The following GNG4 variants were observed in gnomAD, a reference collection of about 807,000 sequenced individuals.
GNG4 encodes G protein subunit gamma 4.
Under a neutral mutation model 5.8 loss-of-function variants are expected in GNG4, and 4 were observed. That is an observed-to-expected ratio of 0.69 (90% CI 0.34 to 1.57). GNG4 has a LOEUF of 1.57. Among genes scored for constraint, GNG4 ranks in the 40% most tolerant of loss-of-function variants. The pLI is 0.06. For missense variants in GNG4, 96 were observed against 95.1 expected, an observed-to-expected ratio of 1.01 and a Z score of -0.04; for synonymous variants, 29 against 32.9, an observed-to-expected ratio of 0.88 and a Z score of 0.41.
chr1:235,588,235 A>T (rs556141549), intron 2 of GNG4, among the ~76,000 whole-genome samples: 21 of 152,056 alleles, frequency 1.4e-4, no homozygotes, highest in African/African-American at 4.6e-4. Context: ...TGCGCTGGAG[A>T]TAAAATAAGC....
intron 3 of GNG4, among the ~76,000 whole-genome samples, chr1:235,561,101 A>T (rs1418183719): frequency 6.6e-6 from 1 of 152,004 alleles, no homozygotes; most frequent in Non-Finnish European, 1.5e-5. Context: ...GCTCCACCTC[A>T]CGGGTTCAAG....
intron 3 of GNG4, among the ~76,000 whole-genome samples, chr1:235,577,830 G>A (rs2102935915): frequency 6.6e-6 from 1 of 152,126 alleles, no homozygotes; most frequent in African/African-American, 2.4e-5. Flanking sequence ...TCCTTCCCCA[G>A]GGCTGCCCTC....
chr1:235,613,920 C>G, intron 1 of GNG4, among the ~76,000 whole-genome samples: 1 of 152,120 alleles, frequency 6.6e-6, no homozygotes, highest in Non-Finnish European at 1.5e-5. Flanking sequence ...TTCAAGTGAT[C>G]CTCCCACCTC....
intron 1 of GNG4, among the ~76,000 whole-genome samples, chr1:235,628,049 A>G (rs1264024589): frequency 1.3e-5 from 2 of 152,078 alleles, no homozygotes; most frequent in South Asian, 2.1e-4. Context: ...GCGTGGTGGC[A>G]CACACCTGTA....
rs571800839 is a variant in GNG4, at chr1:235,649,611, G to C, written c.-123+51C>G. The C allele has an allele frequency of 1.3e-3, 199 of 152,396 alleles. No homozygotes were observed. Among genetic ancestry groups the C allele is most frequent in the African/African-American group, 4.5e-3 (188 of 41,584 alleles). 9.4% of individuals were successfully genotyped at this position (152,396 alleles called of 1,614,324 possible). ...TTCCCTTCCGCGTCTGGCTGCACCG[G>C]GCTGGGCTCTCCCCGCGGACACCCG... On this transcript the variant is annotated intron_variant, in intron 1 of 3. Transcript: ENST00000391854. The surrounding 1 kb of genome is among the most constrained non-coding windows in gnomAD (Gnocchi z 5.7).
intron 3 of GNG4, among the ~76,000 whole-genome samples, chr1:235,557,445 C>A (rs989156480): frequency 2.6e-5 from 4 of 152,030 alleles, no homozygotes; most frequent in Admixed American, 6.5e-5. Context: ...GGACTCACCC[C>A]CTTTCCCCCC....
chr1:235,574,991 A>G (rs1383061069), intron 3 of GNG4, among the ~76,000 whole-genome samples: 1 of 151,882 alleles, frequency 6.6e-6, no homozygotes, highest in African/African-American at 2.4e-5. Context: ...CACCCAGCTA[A>G]TTTTTGTATT....
At chr1:235,634,024 A>T (rs1364575219) in intron 1 of GNG4, among the ~76,000 whole-genome samples, 1 of 152,160 alleles carries the variant, frequency 6.6e-6, no homozygotes, top group Non-Finnish European at 1.5e-5. Context: ...GAGGATTCGA[A>T]ATCAGAGAGA....
At chr1:235,590,648 A>G (rs937614293) in intron 2 of GNG4, among the ~76,000 whole-genome samples, 1 of 152,142 alleles carries the variant, frequency 6.6e-6, no homozygotes, top group Non-Finnish European at 1.5e-5. Context: ...CTTGTTGCCC[A>G]GAGTGATCCT....
intron 2 of GNG4, among the ~76,000 whole-genome samples, chr1:235,590,577 C>T (rs1687935219): frequency 6.6e-6 from 1 of 152,168 alleles, no homozygotes; most frequent in Non-Finnish European, 1.5e-5. Context: ...AACAGGCCTG[C>T]TCCACGGTCT....
rs560476458 is a variant in GNG4, at chr1:235,616,194, C to T, written c.-122-20683G>A. ...ATCCTGGCCAGCAGCCACTTCTCTG[C>T]CAACTGAATTTTTGTGCTGGTTGGA... On this transcript the variant is annotated intron_variant, in intron 1 of 3. Transcript: ENST00000391854. 797 of 523,292 alleles carry T rather than the reference C, an allele frequency of 1.5e-3. 8 individuals are homozygous for T. Among genetic ancestry groups the T allele is most frequent in the African/African-American group, 0.014 (702 of 51,974 alleles). 32.4% of individuals were successfully genotyped at this position (523,292 alleles called of 1,614,324 possible).
rs558907780 is a variant in GNG4 at position 235,595,070 on chromosome 1, C to T, written c.-11+330G>A. Among the ~76,000 whole-genome samples the T allele has an allele frequency of 5.5e-4, 83 of 151,570 alleles. 1 individual carries two copies. Among genetic ancestry groups the T allele is most frequent in the Non-Finnish European group, 4.6e-4 (31 of 68,040 alleles). ...CACTGCAATAGCATCTCTTTTCCCA[C>T]AGGGAAGCACACAGCACGGTTCCCC... On this transcript the variant is annotated intron_variant, in intron 2 of 3. Transcript: ENST00000391854.
intron 1 of GNG4, among the ~76,000 whole-genome samples, chr1:235,638,482 AT>A (rs34999365): frequency 0.17 from 24,403 of 147,484 alleles, 5,573 homozygotes; most frequent in African/African-American, 0.52. Flanking sequence ...CTCCTCCTGC[AT>A]TTTTTTTTTT....
chr1:235,631,756 T>G (rs111990990), intron 1 of GNG4, among the ~76,000 whole-genome samples: 1 of 151,822 alleles, frequency 6.6e-6, no homozygotes. Flanking sequence ...TTAGTAGAGA[T>G]GGGGTTTCAC....
At chr1:235,580,574 A>G (rs577654288) in intron 3 of GNG4, among the ~76,000 whole-genome samples, 1 of 152,278 alleles carries the variant, frequency 6.6e-6, no homozygotes, top group Non-Finnish European at 1.5e-5. Flanking sequence ...CAATGACAAC[A>G]TTCTGTTTCC....
intron 3 of GNG4, among the ~76,000 whole-genome samples, chr1:235,567,282 T>C (rs1687220410): frequency 6.6e-6 from 1 of 152,196 alleles, no homozygotes; most frequent in African/African-American, 2.4e-5. Context: ...AATATATGTG[T>C]ACATATATAC....
chr1:235,572,162 T>C (rs901094494), intron 3 of GNG4, among the ~76,000 whole-genome samples: 1 of 127,714 alleles, frequency 7.8e-6, no homozygotes, highest in African/African-American at 3.3e-5. Context: ...CAATGGTAAG[T>C]ATCTGTGTAT....
intron 1 of GNG4, among the ~76,000 whole-genome samples, chr1:235,626,527 ATT>A (rs1238726021): frequency 2.4e-4 from 37 of 152,110 alleles, no homozygotes; most frequent in African/African-American, 8.0e-4. Flanking sequence ...GCCTCTTTAA[ATT>A]CTCACCTAAT....
At chr1:235,646,829 C>A (rs143775968) in intron 1 of GNG4, among the ~76,000 whole-genome samples, 1 of 152,346 alleles carries the variant, frequency 6.6e-6, no homozygotes, top group East Asian at 1.9e-4. Flanking sequence ...AGCAAGCTCA[C>A]TGAACTGATC....
Sources: gnomAD v4.1 joint callset for allele counts (sites outside exome capture counted in the v4.1 genomes callset) on GRCh38, gnomAD v4.1.1 for gene constraint, Gnocchi (gnomAD v3.1) non-coding constraint, MANE v1.5 for transcripts, NCBI Gene and HGNC (gene_info 2026-07-23, HGNC 2026-07-21) for gene names.